Variants in TRIM5 observed in about 807,000 individuals in gnomAD.
The protein encoded by TRIM5 is tripartite motif-containing protein 5.
Under a neutral mutation model 35.6 loss-of-function variants are expected in TRIM5, and 31 were observed. The ratio of observed to expected loss-of-function variants is 0.87; its 90% CI spans 0.65 to 1.18. The LOEUF is 1.18. TRIM5 is among the 50% of genes most tolerant of loss of function. TRIM5 has a pLI of 0.00. For synonymous variants in TRIM5, 243 were observed against 215.6 expected (o/e 1.13, Z -1.11); for missense variants, 609 against 591.6 (o/e 1.03, Z -0.31).
the TRIM5 span, among the ~76,000 whole-genome samples, chr11:5,655,016 CCTGG>C: frequency 1.3e-5 from 2 of 151,828 alleles, no homozygotes; most frequent in Non-Finnish European, 2.9e-5. Flanking sequence ...CATGGTGAAA[CCTGG>C]TCTCAACTAA....
At chr11:5,591,965 G>T in the TRIM5 span, among the ~76,000 whole-genome samples, 2 of 152,164 alleles carry the variant, frequency 1.3e-5, no homozygotes, top group African/African-American at 4.8e-5. Flanking sequence ...TGAGTCCGCT[G>T]AGGTTATAAC....
At chr11:5,675,330 GACA>G (rs762443574) in intron 4 of TRIM5, among the ~76,000 whole-genome samples, 175 of 152,226 alleles carry the variant, frequency 1.1e-3, no homozygotes, top group Non-Finnish European at 1.7e-3. Flanking sequence ...GAGAGGGGTA[GACA>G]CATCCTAAGG....
At chr11:5,617,263 C>A in the TRIM5 span, among the ~76,000 whole-genome samples, 41,454 of 143,168 alleles carry the variant, frequency 0.29, 10,080 homozygotes, top group East Asian at 0.64. Context: ...GATAGAACTG[C>A]AAGTTTAAGG....
chr11:5,622,450 A>AG, the TRIM5 span, among the ~76,000 whole-genome samples: 2 of 148,958 alleles, frequency 1.3e-5, no homozygotes, highest in African/African-American at 4.9e-5. Context: ...CTCTCAAAAA[A>AG]AAAAAAAAGA....
chr11:5,610,907 C>T, the TRIM5 span: 7 of 1,614,028 alleles, frequency 4.3e-6, no homozygotes, highest in East Asian at 2.2e-5. Flanking sequence ...ACTGTAGTGT[C>T]CTGGGCTCCC....
chr11:5,641,303 G>C, the TRIM5 span: 13 of 1,569,568 alleles, frequency 8.3e-6, no homozygotes, highest in Non-Finnish European at 9.5e-6. Context: ...GTAAAATTTG[G>C]ATGTATCGTT....
At chr11:5,649,357 C>G in the TRIM5 span, among the ~76,000 whole-genome samples, 1 of 152,208 alleles carries the variant, frequency 6.6e-6, no homozygotes, top group Non-Finnish European at 1.5e-5. Flanking sequence ...ACTTTCATTT[C>G]TGAAGGGGCT....
At chr11:5,643,633 T>G in the TRIM5 span, 2 of 1,614,126 alleles carry the variant, frequency 1.2e-6, no homozygotes, top group Non-Finnish European at 1.7e-6. Context: ...AAATGTTGCT[T>G]TTCTCAGCCT....
the TRIM5 span, among the ~76,000 whole-genome samples, chr11:5,613,337 T>G: frequency 6.6e-6 from 1 of 152,378 alleles, no homozygotes; most frequent in East Asian, 1.9e-4. Context: ...AGCTCCTTCA[T>G]GGTTTGATGA....
chr11:5,644,759 C>T, the TRIM5 span, among the ~76,000 whole-genome samples: 4,517 of 152,198 alleles, frequency 0.03, 170 homozygotes, highest in East Asian at 0.15. Context: ...ACAATATTAA[C>T]TAGAATCCTT....
chr11:5,682,382 G>A (rs1852551342), intron 1 of TRIM5, among the ~76,000 whole-genome samples: 1 of 152,116 alleles, frequency 6.6e-6, no homozygotes, highest in South Asian at 2.1e-4. Flanking sequence ...CGGAGAGGGA[G>A]GAGCAAGGTT....
In TRIM5 at chr11:5,664,277, T is replaced by C. The variant is rs994744232; in HGVS notation, c.*532A>G. 1.0e-6 allele frequency: 1 copy of C among 985,354 alleles called. No individual in the cohort carries two copies. Among genetic ancestry groups the C allele is most frequent in the Non-Finnish European group, 1.2e-6 (1 of 830,116 alleles). The allele number at this position is 985,354 out of a possible 1,614,324, so 61.0% of individuals were successfully genotyped here. On this transcript the variant is annotated 3_prime_UTR_variant, in exon 8 of 8. Coordinates refer to ENST00000380034, the MANE Select transcript of TRIM5 (RefSeq NM_033034.3). ...TTAAGTATGTTATTCACAGTTACACTGCTGGTATATGGAGAGACAGGAGTT... is the reference window on the plus strand; with the variant it reads ...TTAAGTATGTTATTCACAGTTACACCGCTGGTATATGGAGAGACAGGAGTT...
the TRIM5 span, chr11:5,603,264 C>T: frequency 6.2e-7 from 1 of 1,613,674 alleles, no homozygotes; most frequent in African/African-American, 1.3e-5. Flanking sequence ...AGGCAGGAAA[C>T]ATCTTAGAAA....
chr11:5,603,374 T>G, the TRIM5 span: 3 of 1,613,934 alleles, frequency 1.9e-6, no homozygotes, highest in Non-Finnish European at 2.5e-6. Flanking sequence ...TGCCTGGAGC[T>G]CCTAACAGAA....
chr11:5,645,964 T>A, the TRIM5 span: 2 of 155,958 alleles, frequency 1.3e-5, no homozygotes, highest in African/African-American at 5.1e-5. Flanking sequence ...TATATTAATA[T>A]GTGTATGTAT....
chr11:5,657,601 TATA>T, the TRIM5 span, among the ~76,000 whole-genome samples: 2 of 89,642 alleles, frequency 2.2e-5, no homozygotes, highest in African/African-American at 1.2e-4. Context: ...TTATATATAA[TATA>T]TATTTATATA....
Position 5,665,346 on chromosome 11 carries a change from T to G in TRIM5, c.945A>C (p.Glu315Asp), listed in dbSNP as rs749169049. 1.2e-6 allele frequency: 2 copies of G among 1,613,382 alleles called. No individual in the cohort carries two copies. The highest frequency in any genetic ancestry group is 1.3e-5 in the African/African-American group (1 of 74,890). Residue 315 changes from glutamate to aspartate, a missense_variant, in exon 8 of 8, where the codon GAA (glutamate) becomes GAC (aspartate). Transcript: ENST00000380034. Reference sequence around the variant, plus strand: ...TCGGAGAGCTCACTTGTCTCTTATCTTCAGAAATGACAGCACATGAAATGT... The same window carrying G: ...TCGGAGAGCTCACTTGTCTCTTATCGTCAGAAATGACAGCACATGAAATGT... ...PNNISCAVIS[E>D]DKRQVSSPKP...
chr11:5,678,347 G>A lies in TRIM5; in HGVS notation c.601C>T (p.Gln201Ter). The A allele has an allele frequency of 6.2e-7, 1 of 1,613,640 alleles. No individual in the cohort carries two copies. Among genetic ancestry groups the A allele is most frequent in the Non-Finnish European group, 8.5e-7 (1 of 1,179,670 alleles). The change falls in exon 4 of 8, where the codon CAA (glutamine) becomes TAA (stop). Residue 201 changes from glutamine (Q) to a stop codon, truncating the protein, a stop_gained. Transcript: ENST00000380034. LOFTEE classifies it high-confidence loss of function. ...ILDWEESNEL[Q>*]NLEKEEEDIL... ...TCTTCCTCCTCCTTCTCCAGGTTTT[G>A]CAGCTCATTGCTCTCCTCCCAGTCC...
At chr11:5,643,632 T>C in the TRIM5 span, 1 of 1,614,152 alleles carries the variant, frequency 6.2e-7, no homozygotes, top group Non-Finnish European at 8.5e-7. Flanking sequence ...TAAATGTTGC[T>C]TTTCTCAGCC....
Sources: allele counts gnomAD v4.1 joint callset (sites outside exome capture counted in the v4.1 genomes callset), GRCh38; gene constraint gnomAD v4.1.1; transcripts MANE v1.5; gene names NCBI Gene and HGNC (gene_info 2026-07-23, HGNC 2026-07-21).